The following TEX11 variants were observed in gnomAD, a reference collection of about 807,000 sequenced individuals.
TEX11 encodes testis-expressed protein 11.
In TEX11, 7 loss-of-function variants were observed where a neutral mutation model predicts 84.4. The ratio of observed to expected loss-of-function variants is 0.08; its 90% confidence interval spans 0.05 to 0.16. TEX11 has a LOEUF of 0.16. Ranked by LOEUF, TEX11 falls within the 10% of genes least tolerant of loss-of-function variation. The pLI is 1.00. For missense variants in TEX11, 551 were observed against 660.5 expected (o/e 0.83, Z 1.82); for synonymous variants, 264 against 222.8 (o/e 1.18, Z -1.64).
chrX:70,648,245 A>G (rs953139877), intron 17 of TEX11, among the ~76,000 whole-genome samples: 1 of 110,556 alleles, frequency 9.0e-6, no homozygotes, highest in Admixed American at 9.7e-5. Context: ...GGGGAACATC[A>G]CACCCCAGGG....
chrX:70,640,793 G>A (rs2089646441), intron 17 of TEX11, among the ~76,000 whole-genome samples: 1 of 109,656 alleles, frequency 9.1e-6, no homozygotes, highest in East Asian at 2.9e-4. Context: ...AAGGAACAAC[G>A]GGTACCAGCT....
chrX:70,675,540 TTTTC>T (rs1485928977), intron 15 of TEX11, among the ~76,000 whole-genome samples: 3 of 76,404 alleles, frequency 3.9e-5, no homozygotes, highest in African/African-American at 6.8e-5. Flanking sequence ...CCTTTCTTTC[TTTTC>T]TTTTTCTTTT....
At chrX:70,571,877 G>C in intron 25 of TEX11, among the ~76,000 whole-genome samples, 1 of 111,752 alleles carries the variant, frequency 8.9e-6, no homozygotes, top group Admixed American at 9.6e-5. Context: ...GTGAAAATAA[G>C]TAATGAATGT....
chrX:70,707,380 C>T (rs1461929125), intron 13 of TEX11, among the ~76,000 whole-genome samples: 1 of 111,014 alleles, frequency 9.0e-6, no homozygotes, highest in Non-Finnish European at 1.9e-5. Context: ...TTTGCATAAA[C>T]GATACTAAAT....
At chrX:70,747,665 A>T (rs1050472147) in intron 9 of TEX11, among the ~76,000 whole-genome samples, 1 of 112,073 alleles carries the variant, frequency 8.9e-6, no homozygotes, top group Non-Finnish European at 1.9e-5. Flanking sequence ...AGAATTTTTT[A>T]AAATCGTGTT....
At chrX:70,813,536 C>T in intron 8 of TEX11, among the ~76,000 whole-genome samples, 1 of 111,353 alleles carries the variant, frequency 9.0e-6, no homozygotes, top group Non-Finnish European at 1.9e-5. Context: ...TGAAAACTGG[C>T]ACAAGAGAGG....
At chrX:70,729,771 A>C (rs1159081090) in intron 11 of TEX11, among the ~76,000 whole-genome samples, 1 of 111,630 alleles carries the variant, frequency 9.0e-6, no homozygotes, top group Non-Finnish European at 1.9e-5. Context: ...CCAATCTAGC[A>C]AGGCAGGCCA....
chrX:70,898,879 A>G (rs1316502339), intron 2 of TEX11, among the ~76,000 whole-genome samples: 1 of 111,895 alleles, frequency 8.9e-6, no homozygotes, highest in African/African-American at 3.2e-5. Flanking sequence ...TGCTGGGATT[A>G]CAGGCGTGAG....
chrX:70,885,431 A>T (rs921366231), intron 2 of TEX11, among the ~76,000 whole-genome samples: 7 of 112,117 alleles, frequency 6.2e-5, no homozygotes, highest in Non-Finnish European at 1.1e-4. Context: ...TTCAACAGAG[A>T]TAGAAAATAT....
chrX:70,651,505 A>G lies in TEX11; in HGVS notation c.1428T>C (p.Val476=), dbSNP rs1248716433. 2 of 1,208,102 alleles carry G rather than the reference A, an allele frequency of 1.7e-6. No homozygotes were observed. The highest frequency in any genetic ancestry group is 2.2e-6 in the Non-Finnish European group (2 of 893,319). ...TCTTGAATATATAAAATTGAGTGAA[A>G]ACGTTCCTAGGGTCATGTCGTTCAG... is the stretch of plus-strand genomic sequence containing the variant. ...AEAERHDPRN[V]FTQFYIFKIA... The change falls in exon 17 of 30, where the codon GTT becomes GTC. Residue 476 remains valine (V), a synonymous_variant. Transcript: ENST00000374333.
intron 9 of TEX11, among the ~76,000 whole-genome samples, chrX:70,782,645 CAAAAA>C (rs780011355): frequency 1.9e-3 from 55 of 28,902 alleles, no homozygotes; most frequent in Non-Finnish European, 2.1e-3. Flanking sequence ...AAATGGAAAG[CAAAAA>C]AAAAAAAAAA....
At chrX:70,693,456 C>T (rs1199004937) in intron 13 of TEX11, among the ~76,000 whole-genome samples, 1 of 111,380 alleles carries the variant, frequency 9.0e-6, no homozygotes, top group Non-Finnish European at 1.9e-5. Context: ...CCCTCATTTA[C>T]AAAAACATGG....
At chrX:70,868,092 C>T (rs1018447310) in intron 4 of TEX11, among the ~76,000 whole-genome samples, 3 of 111,350 alleles carry the variant, frequency 2.7e-5, no homozygotes, top group African/African-American at 9.8e-5. Context: ...AACAGGCAAC[C>T]TACAGAATGG....
chrX:70,840,619 A>C (rs901678294), intron 7 of TEX11, among the ~76,000 whole-genome samples: 1 of 111,349 alleles, frequency 9.0e-6, no homozygotes, highest in African/African-American at 3.3e-5. Flanking sequence ...GATCAAATTC[A>C]CACATAACAA....
At chrX:70,750,311 C>T (rs1418177942) in intron 9 of TEX11, among the ~76,000 whole-genome samples, 2 of 111,332 alleles carry the variant, frequency 1.8e-5, no homozygotes, top group Admixed American at 9.6e-5. Context: ...AGGAACGCTT[C>T]TACACTGTTG....
chrX:70,796,381 C>A (rs2091156049), intron 9 of TEX11, among the ~76,000 whole-genome samples: 1 of 111,582 alleles, frequency 9.0e-6, no homozygotes, highest in Admixed American at 9.5e-5. Context: ...ATAAGAATCA[C>A]TGACCTTAAA....
At chrX:70,514,238 T>A in the TEX11 span, among the ~76,000 whole-genome samples, 1 of 109,552 alleles carries the variant, frequency 9.1e-6, no homozygotes, top group Non-Finnish European at 1.9e-5. Context: ...GAGATGACGT[T>A]GTGCTATATG....
At chrX:70,719,619 C>T (rs2090538143) in intron 13 of TEX11, among the ~76,000 whole-genome samples, 1 of 111,979 alleles carries the variant, frequency 8.9e-6, no homozygotes, top group African/African-American at 3.2e-5. Context: ...GCAATCTACT[C>T]ATCTGACAAA....
intron 25 of TEX11, among the ~76,000 whole-genome samples, chrX:70,567,267 T>C (rs1168044331): frequency 9.0e-6 from 1 of 111,532 alleles, no homozygotes; most frequent in Admixed American, 9.6e-5. Flanking sequence ...TTATCATTTT[T>C]TATTGCATCT....
Sources: allele counts gnomAD v4.1 joint callset (sites outside exome capture counted in the v4.1 genomes callset), GRCh38; gene constraint gnomAD v4.1.1; transcripts MANE v1.5; gene names NCBI Gene and HGNC (gene_info 2026-07-23, HGNC 2026-07-21).